The following SMAP1 variants were observed in gnomAD, a reference collection of about 807,000 sequenced individuals.
The protein encoded by SMAP1 is small ArfGAP 1.
In SMAP1, 24 loss-of-function variants were observed where a neutral mutation model predicts 58.5. The ratio of observed to expected loss-of-function variants is 0.41; its 90% CI spans 0.30 to 0.58. The LOEUF (loss-of-function observed/expected upper bound fraction) is 0.58. SMAP1 is among the 20% of genes least tolerant of loss of function. The probability of loss-of-function intolerance (pLI) is 0.29; values close to 1 mark genes in which losing one functional copy is unlikely to be tolerated. For missense variants in SMAP1, 563 were observed against 566.3 expected (o/e 0.99, Z 0.06); for synonymous variants, 216 against 196.6 (o/e 1.10, Z -0.82).
rs554053979 is a variant in SMAP1 at position 70,766,572 on chromosome 6, T to C, written c.339-6778T>C. Among the ~76,000 whole-genome samples the C allele has an allele frequency of 5.3e-5, 8 of 152,282 alleles. No individual in the cohort carries two copies. In the South Asian group the frequency reaches 1.0e-3, roughly 20 times the overall value. ...TTGAGAAGTGTCTGTTCCTGTCCTTTGCCCACTTTTTGATGGGGTGGTTTG... is the reference window on the plus strand; with the variant it reads ...TTGAGAAGTGTCTGTTCCTGTCCTTCGCCCACTTTTTGATGGGGTGGTTTG... On this transcript the variant is annotated intron_variant, in intron 3 of 10. Transcript: ENST00000370455.
intron 3 of SMAP1, among the ~76,000 whole-genome samples, chr6:70,770,582 C>T (rs989423922): frequency 6.6e-6 from 1 of 152,150 alleles, no homozygotes; most frequent in Non-Finnish European, 1.5e-5. Flanking sequence ...GTTCTCGAGC[C>T]TTGGCTTTCA....
At chr6:70,788,120 A>G (rs1235963176) in intron 4 of SMAP1, among the ~76,000 whole-genome samples, 2 of 151,846 alleles carry the variant, frequency 1.3e-5, no homozygotes, top group African/African-American at 4.8e-5. Context: ...CTATGCAGCC[A>G]TAAAAAATGA....
chr6:70,832,105 G>A (rs758777855), intron 6 of SMAP1, among the ~76,000 whole-genome samples: 4 of 151,908 alleles, frequency 2.6e-5, no homozygotes, highest in Non-Finnish European at 4.4e-5. Flanking sequence ...ATTTTTTAAC[G>A]GGGTTGTTTT....
At chr6:70,733,522 C>T (rs1016773970) in intron 2 of SMAP1, among the ~76,000 whole-genome samples, 11 of 152,252 alleles carry the variant, frequency 7.2e-5, no homozygotes, top group Admixed American at 6.5e-4. Context: ...AATATGGTAA[C>T]AGATGTCATG....
chr6:70,725,567 C>G (rs942963341), intron 1 of SMAP1, among the ~76,000 whole-genome samples: 5 of 152,092 alleles, frequency 3.3e-5, no homozygotes, highest in African/African-American at 1.2e-4. Flanking sequence ...TTGTTTCCTG[C>G]CTGATCCTGG....
At chr6:70,821,973 A>T (rs1264086942) in intron 6 of SMAP1, among the ~76,000 whole-genome samples, 2 of 152,174 alleles carry the variant, frequency 1.3e-5, no homozygotes, top group East Asian at 3.8e-4. Context: ...AAGTGAGGCA[A>T]TAAAAAGGGA....
At chr6:70,788,521 G>T (rs184250977) in intron 4 of SMAP1, among the ~76,000 whole-genome samples, 1 of 152,012 alleles carries the variant, frequency 6.6e-6, no homozygotes, top group African/African-American at 2.4e-5. Context: ...GCGTACTCCA[G>T]ACTCTATAGA....
At chr6:70,687,413 C>A (rs1766978706) in intron 1 of SMAP1, among the ~76,000 whole-genome samples, 1 of 152,094 alleles carries the variant, frequency 6.6e-6, no homozygotes, top group African/African-American at 2.4e-5. Context: ...TTTGCTGCAA[C>A]TTATATATTT....
chr6:70,669,719 C>G (rs548393268), intron 1 of SMAP1, among the ~76,000 whole-genome samples: 11 of 152,248 alleles, frequency 7.2e-5, no homozygotes, highest in Non-Finnish European at 1.2e-4. Flanking sequence ...CACATTTTGT[C>G]ATTTTGAGTA....
intron 6 of SMAP1, among the ~76,000 whole-genome samples, chr6:70,810,656 A>G (rs1481095622): frequency 6.6e-6 from 1 of 152,126 alleles, no homozygotes; most frequent in African/African-American, 2.4e-5. Context: ...AGCTCACTGT[A>G]GCCTCAAACT....
At chr6:70,680,797 C>T (rs1190166689) in intron 1 of SMAP1, among the ~76,000 whole-genome samples, 9 of 139,234 alleles carry the variant, frequency 6.5e-5, no homozygotes, top group African/African-American at 2.4e-4. Context: ...CGGCTCACTG[C>T]AGCCTCTGCC....
chr6:70,755,576 G>T (rs1473269176), intron 3 of SMAP1, among the ~76,000 whole-genome samples: 1 of 151,974 alleles, frequency 6.6e-6, no homozygotes, highest in Non-Finnish European at 1.5e-5. Context: ...TGGTAGATTA[G>T]GTGTATTAAA....
intron 6 of SMAP1, among the ~76,000 whole-genome samples, chr6:70,817,921 CT>C (rs1465951286): frequency 2.6e-5 from 4 of 152,124 alleles, no homozygotes; most frequent in African/African-American, 9.7e-5. Flanking sequence ...GAAATTAGAA[CT>C]CTTGTTTCAT....
intron 6 of SMAP1, among the ~76,000 whole-genome samples, chr6:70,817,632 T>TTTGTGA (rs1769696486): frequency 1.3e-5 from 2 of 152,200 alleles, no homozygotes. Context: ...TGTTATCCCC[T>TTTGTGA]TTGTGATTGT....
chr6:70,852,587 C>A lies in SMAP1; in HGVS notation c.712C>A (p.Pro238Thr), dbSNP rs1400776038. ...PVTNGNTTVP[P>T]LNDDLDIFGP... ...GACCAACGGGAACACAACGGTGCCA[C>A]CCCTGAACGATGATCTGGACATCTT... Residue 238 changes from proline (P) to threonine (T), a missense_variant, in exon 8 of 11, where the codon CCC (proline) becomes ACC (threonine). Physicochemically the swap from Pro to Thr is conservative, Grantham distance 38. Around this residue, in one of 3 missense-constraint regions of SMAP1, gnomAD observed 494 missense variants for 473.8 expected, o/e 1.04. Transcript: ENST00000370455. 6.2e-7 allele frequency: 1 copy of A among 1,610,068 alleles called. No individual in the cohort carries two copies. Among genetic ancestry groups the A allele is most frequent in the Non-Finnish European group, 8.5e-7 (1 of 1,178,036 alleles).
intron 1 of SMAP1, among the ~76,000 whole-genome samples, chr6:70,700,623 C>T (rs1303798992): frequency 6.6e-6 from 1 of 152,098 alleles, no homozygotes; most frequent in African/African-American, 2.4e-5. Context: ...TGTAAATTAC[C>T]CAGCCTCAGA....
At chr6:70,798,442 G>A (rs899542215) in intron 5 of SMAP1, among the ~76,000 whole-genome samples, 1 of 151,808 alleles carries the variant, frequency 6.6e-6, no homozygotes, top group Non-Finnish European at 1.5e-5. Context: ...CTGTGCCTCT[G>A]TCTTAATTTT....
chr6:70,684,809 G>A (rs538814194), intron 1 of SMAP1, among the ~76,000 whole-genome samples: 7 of 152,166 alleles, frequency 4.6e-5, no homozygotes, highest in Admixed American at 4.6e-4. Context: ...TTGTCTGTGG[G>A]TTAGTAGTCA....
At chr6:70,675,127 G>A (rs1766421856) in intron 1 of SMAP1, among the ~76,000 whole-genome samples, 1 of 143,730 alleles carries the variant, frequency 7.0e-6, no homozygotes, top group Non-Finnish European at 1.5e-5. Context: ...GCTCCATTGT[G>A]ACCTGGAGAA....
Sources: gnomAD v4.1 joint callset for allele counts (sites outside exome capture counted in the v4.1 genomes callset) on GRCh38, gnomAD v4.1.1 for gene constraint, gnomAD v4.1.1 regional missense constraint, MANE v1.5 for transcripts, NCBI Gene and HGNC (gene_info 2026-07-23, HGNC 2026-07-21) for gene names.